ZNF500: variants seen among roughly 807,000 people sequenced by gnomAD.
ZNF500 encodes the protein zinc finger protein 500.
Under a neutral mutation model 30.1 loss-of-function variants are expected in ZNF500, and 31 were observed. The observed-to-expected ratio is 1.03, with a 90% CI of 0.77 to 1.39. The LOEUF is 1.39. Ranked by LOEUF, ZNF500 falls within the 40% of genes most tolerant of loss-of-function variation. The pLI, the probability that ZNF500 is intolerant of heterozygous loss-of-function variation, is 0.00. For synonymous variants in ZNF500, 392 were observed against 282.0 expected (o/e 1.39, Z -3.91); for missense variants, 817 against 657.8 (o/e 1.24, Z -2.65).
In ZNF500 at chr16:4,752,881, G is replaced by C. The variant is rs1483930014; in HGVS notation, c.938C>G (p.Pro313Arg). The C allele has an allele frequency of 1.2e-5, 19 of 1,614,094 alleles. No homozygotes were observed. Among genetic ancestry groups the C allele is most frequent in the Non-Finnish European group, 1.6e-5 (19 of 1,180,034 alleles). The change falls in exon 6 of 6, where the codon CCA (proline) becomes CGA (arginine). Residue 313 changes from proline to arginine, a missense_variant. Transcript: ENST00000219478. ...AGCCCCATGGGAAGCCCGTCTTCCT[G>C]GTGGGGGGCCGCCTCTTGGCTGATC... ...RPDQPRGGPP[P>R]GRRASHGADK...
At position 4,751,368 on chromosome 16, in the gene ZNF500, AGCCCTGGGCCCCG is replaced by A. The variant is rs1421785342; in HGVS notation, c.*995_*1007del. On this transcript the variant is annotated 3_prime_UTR_variant, in exon 6 of 6. Coordinates refer to ENST00000219478, the MANE Select transcript of ZNF500 (RefSeq NM_021646.4). ...ACACTAAGGGGCCAGGAGCAAACGC[AGCCCTGGGCCCCG>A]GCCCTGGGGAGATGTCAGGCCCGTC... 4 of 546,010 alleles carry A rather than the reference AGCCCTGGGCCCCG, an allele frequency of 7.3e-6. No homozygotes were observed. The highest frequency in any genetic ancestry group is 6.5e-6 in the Non-Finnish European group (2 of 309,528). 33.8% of individuals were successfully genotyped at this position (546,010 alleles called of 1,614,324 possible).
In ZNF500 at chr16:4,752,321, C is replaced by G; in HGVS notation, c.*55G>C. ...TCGGACCAGGCTGTCTAGCAGTTTC[C>G]TGAATTCTGTGCCCAGGGATGAGAG... On this transcript the variant is annotated 3_prime_UTR_variant, in exon 6 of 6. Transcript: ENST00000219478. 1 of 1,439,440 alleles carries G rather than the reference C, an allele frequency of 6.9e-7. No individual in the cohort carries two copies. The highest frequency in any genetic ancestry group is 1.5e-5 in the South Asian group (1 of 67,918). 89.2% of individuals were successfully genotyped at this position (1,439,440 alleles called of 1,614,324 possible).
chr16:4,761,490 C>T (rs1474920177), intron 4 of ZNF500, among the ~76,000 whole-genome samples: 4 of 112,818 alleles, frequency 3.5e-5, no homozygotes, highest in South Asian at 3.2e-4. Flanking sequence ...CACACACACA[C>T]ACACACACAC....
chr16:4,746,995 A>G (rs2082025611), downstream of ZNF500: 3 of 1,541,594 alleles, frequency 1.9e-6, no homozygotes, highest in Middle Eastern at 1.7e-4. Context: ...GGAGACGCAG[A>G]GGGGGCATCT....
downstream of ZNF500, chr16:4,747,190 G>C (rs377477945): frequency 1.6e-6 from 2 of 1,218,136 alleles, no homozygotes; most frequent in African/African-American, 3.0e-5. Context: ...CGTCCACTGG[G>C]TCCCAGCAGT....
chr16:4,753,247 G>T, intron 5 of ZNF500, 189 bp from the exon 6 acceptor site: 2 of 1,205,922 alleles, frequency 1.7e-6, no homozygotes, highest in Non-Finnish European at 2.2e-6. Flanking sequence ...GATTGCTTGA[G>T]CCCAGGAGTT....
rs746636046 is a variant in ZNF500, at chr16:4,762,606, G to T, written c.565C>A (p.Pro189Thr). 1 of 1,613,968 alleles carries T rather than the reference G, an allele frequency of 6.2e-7. No individual in the cohort carries two copies. ...GGCCACAACAGCGGGCCCCTCTGTG[G>T]CCTGTGGCTCAGCTGGGCTGGGGGC... ...QQPPAQLSHR[P>T]QRGPLLWPER... Residue 189 changes from proline to threonine, a missense_variant, in exon 3 of 6, where the codon CCA becomes ACA. Physicochemically the swap from Pro to Thr is conservative, Grantham distance 38. Transcript: ENST00000219478.
chr16:4,746,361 T>G (rs369365399), downstream of ZNF500: 19 of 1,607,538 alleles, frequency 1.2e-5, no homozygotes, highest in Admixed American at 5.1e-5. Context: ...CAACACCTGC[T>G]TTTCTCATTT....
At chr16:4,747,693 G>C (rs897869140), downstream of ZNF500, 2 of 1,496,968 alleles carry the variant, frequency 1.3e-6, no homozygotes, top group African/African-American at 1.4e-5. Flanking sequence ...CCTGGGCCCC[G>C]GTGTCCCCTT....
In ZNF500 at chr16:4,751,591, C is replaced by A. The variant is rs900851098; in HGVS notation, c.*785G>T. The A allele has an allele frequency of 9.1e-6, 14 of 1,534,774 alleles. No homozygotes were observed. In the African/African-American group the frequency reaches 1.9e-4, roughly 21 times the overall value. ...ACCACGTCCTGGGAAGGCTGGGGTA[C>A]AGCAGGGCTCCCTGCAGCAGACGAG... On this transcript the variant is annotated 3_prime_UTR_variant, in exon 6 of 6. Transcript: ENST00000219478.
At chr16:4,759,231 C>T (rs1351418722) in intron 5 of ZNF500, among the ~76,000 whole-genome samples, 1 of 151,482 alleles carries the variant, frequency 6.6e-6, no homozygotes, top group African/African-American at 2.4e-5. Flanking sequence ...AAAAAAAAAC[C>T]CTGAAAATAA....
chr16:4,756,905 C>G (rs1011459401), intron 5 of ZNF500, among the ~76,000 whole-genome samples: 4 of 151,970 alleles, frequency 2.6e-5, no homozygotes, highest in African/African-American at 4.8e-5. Flanking sequence ...TCACCTGAGC[C>G]TGGGGAGGTT....
chr16:4,758,034 T>C (rs762421520), intron 5 of ZNF500, among the ~76,000 whole-genome samples: 4 of 151,700 alleles, frequency 2.6e-5, no homozygotes, highest in Non-Finnish European at 5.9e-5. Context: ...CCCAAGTAGC[T>C]GGGATTATAG....
chr16:4,746,829 A>G (rs2082023249), downstream of ZNF500: 2 of 1,173,558 alleles, frequency 1.7e-6, no homozygotes, highest in Non-Finnish European at 2.3e-6. Flanking sequence ...GACCTCTTGC[A>G]TTGGGTCACC....
chr16:4,754,850 G>A (rs1165590262), intron 5 of ZNF500, among the ~76,000 whole-genome samples: 1 of 152,090 alleles, frequency 6.6e-6, no homozygotes, highest in East Asian at 1.9e-4. Context: ...GGGGCCTGGT[G>A]GGAGGTGAGT....
In ZNF500 at chr16:4,764,713, C is replaced by T. The variant is rs181111185; in HGVS notation, c.414+852G>A. ...AGGAGAATGGCGTGAATCCGGGAGG[C>T]GGAGCTTGCAGTGAGCCGAGATTGC... On this transcript the variant is annotated intron_variant, in intron 2 of 5. Coordinates refer to ENST00000219478, the MANE Select transcript of ZNF500 (RefSeq NM_021646.4). Among the ~76,000 whole-genome samples, 306 of 146,506 alleles carry T rather than the reference C, an allele frequency of 2.1e-3. 1 individual carries two copies. The highest frequency in any genetic ancestry group is 7.3e-3 in the African/African-American group (284 of 38,660).
At chr16:4,758,363 A>G (rs1311189916) in intron 5 of ZNF500, 1 of 152,220 alleles carries the variant, frequency 6.6e-6, no homozygotes, top group African/African-American at 2.4e-5. Flanking sequence ...AGAGCTGGGC[A>G]GAATCTCATT....
chr16:4,747,561 TG>T, downstream of ZNF500: 1 of 1,611,980 alleles, frequency 6.2e-7, no homozygotes, highest in Non-Finnish European at 8.5e-7. Context: ...CCCAGAGCCC[TG>T]GGGGATGTTC....
Position 4,751,512 on chromosome 16 carries a change from G to T in ZNF500, c.*864C>A. 1 of 1,469,522 alleles carries T rather than the reference G, an allele frequency of 6.8e-7. No individual in the cohort carries two copies. Among genetic ancestry groups the T allele is most frequent in the Non-Finnish European group, 9.1e-7 (1 of 1,101,978 alleles). The allele number at this position is 1,469,522 out of a possible 1,614,324, so 91.0% of individuals were successfully genotyped here. On this transcript the variant is annotated 3_prime_UTR_variant, in exon 6 of 6. Transcript: ENST00000219478. The stretch of plus-strand genomic sequence containing the variant: ...ATGGATCTGCAAAGGGGACTGGAAT[G>T]CTGCAGAGCCCCGGGCTCCATTTGG...
Sources: gnomAD v4.1 joint callset for allele counts (sites outside exome capture counted in the v4.1 genomes callset) on GRCh38, gnomAD v4.1.1 for gene constraint, MANE v1.5 for transcripts, NCBI Gene and HGNC (gene_info 2026-07-23, HGNC 2026-07-21) for gene names.